Variants in NALF1 observed in about 807,000 individuals in gnomAD.
NALF1 encodes the protein family with sequence similarity 155 member A.
A neutral mutation model predicts 48.4 loss-of-function variants in NALF1; 3 were observed. The observed-to-expected ratio is 0.06, with a 90% CI of 0.03 to 0.16. The LOEUF is 0.16. Ranked by LOEUF, NALF1 falls within the 10% of genes least tolerant of loss-of-function variation. NALF1 has a pLI of 1.00. For synonymous variants in NALF1, 262 were observed against 245.7 expected (o/e 1.07, Z -0.62); for missense variants, 526 against 571.5 (o/e 0.92, Z 0.81).
At chr13:107,427,858 A>C (rs2139014200) in intron 1 of NALF1, among the ~76,000 whole-genome samples, 1 of 152,320 alleles carries the variant, frequency 6.6e-6, no homozygotes, top group South Asian at 2.1e-4. Flanking sequence ...GGATAGAAAA[A>C]AAGATAAAAG....
intron 1 of NALF1, among the ~76,000 whole-genome samples, chr13:107,565,065 C>CAA (rs71754551): frequency 0.019 from 443 of 23,150 alleles, 25 homozygotes; most frequent in East Asian, 0.034. Flanking sequence ...GTGATATCTG[C>CAA]AAAAAAAAAA....
intron 1 of NALF1, among the ~76,000 whole-genome samples, chr13:107,774,664 T>C (rs911701901): frequency 1.1e-4 from 17 of 152,214 alleles, no homozygotes; most frequent in African/African-American, 4.1e-4. Flanking sequence ...CTTCCTATTA[T>C]ATGCAATACC....
intron 1 of NALF1, among the ~76,000 whole-genome samples, chr13:107,347,363 C>A (rs1882792501): frequency 1.3e-5 from 2 of 152,222 alleles, no homozygotes; most frequent in African/African-American, 4.8e-5. Flanking sequence ...CTGAAACAAG[C>A]ACCCTTGGGC....
At chr13:107,343,110 A>G (rs749246551) in intron 1 of NALF1, among the ~76,000 whole-genome samples, 17 of 152,250 alleles carry the variant, frequency 1.1e-4, no homozygotes, top group Non-Finnish European at 1.6e-4. Context: ...GTCTCCCAGG[A>G]TAGATCACAC....
intron 1 of NALF1, among the ~76,000 whole-genome samples, chr13:107,832,644 C>G (rs1033734549): frequency 6.6e-6 from 1 of 152,114 alleles, no homozygotes; most frequent in Non-Finnish European, 1.5e-5. Flanking sequence ...CGCAACTCCT[C>G]GTTCTTCCTT....
chr13:107,562,159 G>A (rs1381107702), intron 1 of NALF1, among the ~76,000 whole-genome samples: 1 of 152,162 alleles, frequency 6.6e-6, no homozygotes, highest in Non-Finnish European at 1.5e-5. Flanking sequence ...AGGATCCACT[G>A]CTCTGTAGGG....
At chr13:107,694,465 T>C (rs573448221) in intron 1 of NALF1, among the ~76,000 whole-genome samples, 1 of 152,270 alleles carries the variant, frequency 6.6e-6, no homozygotes, top group South Asian at 2.1e-4. Flanking sequence ...CTGGTTTGCA[T>C]AGGAATGAAT....
Position 107,553,240 on chromosome 13 carries a change from G to A in NALF1, c.915+312442C>T, listed in dbSNP as rs192089838. The stretch of plus-strand genomic sequence containing the variant: ...TTTTCATAAAACTGGTTTATAACAC[G>A]TAACAAATCCCCTTGTAATGAATGT... On this transcript the variant is annotated intron_variant, in intron 1 of 2. Transcript: ENST00000375915. 2.5e-3 allele frequency among the ~76,000 whole-genome samples: 382 copies of A among 152,206 alleles called. 3 individuals carry two copies. The highest frequency in any genetic ancestry group is 8.4e-3 in the African/African-American group (347 of 41,538).
intron 1 of NALF1, among the ~76,000 whole-genome samples, chr13:107,385,945 C>T (rs979473295): frequency 6.6e-6 from 1 of 152,070 alleles, no homozygotes; most frequent in Non-Finnish European, 1.5e-5. Context: ...GATAAGCAGT[C>T]CATTATTTCA....
chr13:107,598,894 C>A (rs1878835576), intron 1 of NALF1, among the ~76,000 whole-genome samples: 1 of 152,106 alleles, frequency 6.6e-6, no homozygotes, highest in South Asian at 2.1e-4. Flanking sequence ...TTCTTCCAAG[C>A]CAAATTACAT....
intron 1 of NALF1, among the ~76,000 whole-genome samples, chr13:107,830,181 T>C (rs1879671734): frequency 6.6e-6 from 1 of 152,226 alleles, no homozygotes; most frequent in South Asian, 2.1e-4. Flanking sequence ...CGATGAATGA[T>C]CTTCCAGTTG....
chr13:107,803,681 C>T (rs1169405866), intron 1 of NALF1, among the ~76,000 whole-genome samples: 2 of 152,096 alleles, frequency 1.3e-5, no homozygotes, highest in Non-Finnish European at 2.9e-5. Flanking sequence ...TGGGGAGTTG[C>T]TTCATTTATG....
At chr13:107,818,437 C>G (rs1457988099) in intron 1 of NALF1, among the ~76,000 whole-genome samples, 8 of 152,252 alleles carry the variant, frequency 5.3e-5, no homozygotes, top group East Asian at 1.9e-4. Context: ...ATAGCTGCTC[C>G]TATTGGAAGG....
chr13:107,249,788 A>G (rs543815628), intron 1 of NALF1, among the ~76,000 whole-genome samples: 6 of 151,948 alleles, frequency 3.9e-5, no homozygotes, highest in Non-Finnish European at 8.8e-5. Flanking sequence ...GTTCTATAAG[A>G]TTTTCTTTTG....
At chr13:107,443,328 G>A (rs534989831) in intron 1 of NALF1, among the ~76,000 whole-genome samples, 2 of 152,158 alleles carry the variant, frequency 1.3e-5, no homozygotes, top group South Asian at 2.1e-4. Context: ...TGATTCTCCT[G>A]CCTCAGCCTC....
intron 1 of NALF1, among the ~76,000 whole-genome samples, chr13:107,688,403 G>A (rs1043278509): frequency 1.3e-5 from 2 of 152,132 alleles, no homozygotes; most frequent in African/African-American, 2.4e-5. Context: ...CAAGCTTAAC[G>A]TTACTAAATT....
At chr13:107,442,545 C>T (rs532820913) in intron 1 of NALF1, among the ~76,000 whole-genome samples, 3 of 152,084 alleles carry the variant, frequency 2.0e-5, no homozygotes, top group Admixed American at 1.3e-4. Flanking sequence ...ATGCCTGAGA[C>T]GAGTGGAAGA....
At chr13:107,479,704 C>T (rs1450157764) in intron 1 of NALF1, among the ~76,000 whole-genome samples, 3 of 152,080 alleles carry the variant, frequency 2.0e-5, no homozygotes, top group African/African-American at 7.2e-5. Context: ...CAATTAATAT[C>T]CAGACTTTCA....
intron 1 of NALF1, among the ~76,000 whole-genome samples, chr13:107,385,721 G>A (rs1208150808): frequency 6.6e-6 from 1 of 152,184 alleles, no homozygotes; most frequent in African/African-American, 2.4e-5. Context: ...TTGTTCAATA[G>A]TTTGCAATCT....
Sources: gnomAD v4.1 joint callset for allele counts (sites outside exome capture counted in the v4.1 genomes callset) on GRCh38, gnomAD v4.1.1 for gene constraint, MANE v1.5 for transcripts, NCBI Gene and HGNC (gene_info 2026-07-23, HGNC 2026-07-21) for gene names.